The following MARCHF1 variants were observed in gnomAD, a reference collection of about 807,000 sequenced individuals.
The protein encoded by MARCHF1 is E3 ubiquitin-protein ligase MARCHF1.
In MARCHF1, 40 loss-of-function variants were observed where a neutral mutation model predicts 54.2. That is an observed-to-expected ratio of 0.74 (90% CI 0.57 to 0.96). The LOEUF (loss-of-function observed/expected upper bound fraction) is 0.96. Ranked by LOEUF, MARCHF1 falls within the 40% of genes least tolerant of loss-of-function variation. The pLI, the probability that MARCHF1 is intolerant of heterozygous loss-of-function variation, is 0.00. For missense variants in MARCHF1, 586 were observed against 656.5 expected (o/e 0.89, Z 1.17); for synonymous variants, 236 against 236.3 (o/e 1.00, Z 0.01).
Position 164,211,352 on chromosome 4 carries a change from TATACC to T in MARCHF1, c.-322-99695_-322-99691del, listed in dbSNP as rs200948238. 6.6e-3 allele frequency among the ~76,000 whole-genome samples: 760 copies of T among 114,378 alleles called. 6 individuals are homozygous for T. Among genetic ancestry groups the T allele is most frequent in the Non-Finnish European group, 0.012 (544 of 46,496 alleles). 75.0% of individuals were successfully genotyped at this position (114,378 alleles called of 152,430 possible). A position where few individuals can be genotyped will look rare whatever the true frequency, so the allele number is the denominator to read the frequency against. On this transcript the variant is annotated intron_variant, in intron 1 of 9. Coordinates refer to ENST00000514618, the MANE Select transcript of MARCHF1 (RefSeq NM_001394959.1). The stretch of plus-strand genomic sequence containing the variant: ...GTATGTATATATATATATATATATA[TATACC>T]ACATTGCAACCTGCATATTTGTATA...
chr4:163,533,943 G>T (rs1738445971), intron 9 of MARCHF1, among the ~76,000 whole-genome samples: 1 of 151,812 alleles, frequency 6.6e-6, no homozygotes, highest in Non-Finnish European at 1.5e-5. Context: ...AAATGCTCAT[G>T]ATCTATACCT....
intron 4 of MARCHF1, among the ~76,000 whole-genome samples, chr4:163,824,384 T>C (rs976000742): frequency 2.0e-5 from 3 of 150,200 alleles, no homozygotes; most frequent in African/African-American, 7.3e-5. Context: ...AAACAAGCAA[T>C]GGGGAAAGGA....
intron 1 of MARCHF1, among the ~76,000 whole-genome samples, chr4:164,285,357 C>T (rs1734116640): frequency 6.6e-6 from 1 of 152,180 alleles, no homozygotes; most frequent in East Asian, 1.9e-4. Context: ...ATTCTGCCTG[C>T]AAATAGCCAC....
At chr4:164,105,534 A>C (rs1266983091) in intron 2 of MARCHF1, among the ~76,000 whole-genome samples, 1 of 109,580 alleles carries the variant, frequency 9.1e-6, no homozygotes, top group African/African-American at 3.6e-5. Context: ...CTATTTAATA[A>C]ATGGTGCTGG....
intron 3 of MARCHF1, among the ~76,000 whole-genome samples, chr4:163,889,001 G>T (rs772050217): frequency 1.5e-4 from 23 of 152,102 alleles, no homozygotes; most frequent in Non-Finnish European, 2.9e-4. Flanking sequence ...GATTATTATT[G>T]CATGGTAGGT....
At chr4:163,588,362 G>A (rs919121147) in intron 7 of MARCHF1, among the ~76,000 whole-genome samples, 2 of 152,174 alleles carry the variant, frequency 1.3e-5, no homozygotes, top group African/African-American at 4.8e-5. Flanking sequence ...CATGCTTGTT[G>A]CCAGTTTAGT....
intron 3 of MARCHF1, among the ~76,000 whole-genome samples, chr4:163,970,543 C>A (rs1752527653): frequency 6.6e-6 from 1 of 152,046 alleles, no homozygotes; most frequent in Admixed American, 6.6e-5. Context: ...TTTGAGAAAA[C>A]AGTAATGTTA....
At chr4:163,930,352 AG>A (rs1751643331) in intron 3 of MARCHF1, among the ~76,000 whole-genome samples, 1 of 152,000 alleles carries the variant, frequency 6.6e-6, no homozygotes, top group African/African-American at 2.4e-5. Flanking sequence ...CTGATACCTC[AG>A]AAATTGAACA....
intron 1 of MARCHF1, among the ~76,000 whole-genome samples, chr4:164,249,956 C>T (rs1251440028): frequency 1.3e-5 from 2 of 152,026 alleles, no homozygotes; most frequent in Admixed American, 6.6e-5. Context: ...TGAGCAACTC[C>T]ATATACATTT....
intron 2 of MARCHF1, among the ~76,000 whole-genome samples, chr4:164,106,521 A>T (rs1444315035): frequency 1.5e-5 from 2 of 134,574 alleles, no homozygotes; most frequent in Non-Finnish European, 3.1e-5. Flanking sequence ...CAAGAACAAA[A>T]AACCAAACAC....
chr4:163,767,549 TGGTCTCGATCTCCTGACC>T (rs1161748119), intron 4 of MARCHF1, among the ~76,000 whole-genome samples: 1 of 152,126 alleles, frequency 6.6e-6, no homozygotes, highest in Non-Finnish European at 1.5e-5. Flanking sequence ...TTAGCCAGGA[TGGTCTCGATCTCCTGACC>T]TCATGATCCG....
chr4:164,035,633 C>CAAAA (rs34846855), intron 2 of MARCHF1, among the ~76,000 whole-genome samples: 221 of 144,302 alleles, frequency 1.5e-3, no homozygotes, highest in Non-Finnish European at 2.5e-3. Flanking sequence ...ATAAAGAATA[C>CAAAA]AAAAAAAAAA....
At position 163,557,866 on chromosome 4, in the gene MARCHF1, C is replaced by A. The variant is rs79505443; in HGVS notation, c.1192-12123G>T. ...GATAGAAATTAAATGTTAAACCAAT[C>A]TAATATTATTCCAGTAATTTGTTCT... is the stretch of plus-strand genomic sequence containing the variant. On this transcript the variant is annotated intron_variant, in intron 8 of 9. Transcript: ENST00000514618. Among the ~76,000 whole-genome samples, 1,417 of 152,244 alleles carry A rather than the reference C, an allele frequency of 9.3e-3. 11 individuals carry two copies. Among genetic ancestry groups the A allele is most frequent in the Non-Finnish European group, 0.015 (1,016 of 68,028 alleles).
chr4:163,587,800 T>C (rs7695479), intron 7 of MARCHF1, among the ~76,000 whole-genome samples: 4,130 of 150,414 alleles, frequency 0.027, 258 homozygotes, highest in African/African-American at 0.097. Flanking sequence ...AAATGTGCAA[T>C]GTAACATTTA....
rs539868861 is a variant in MARCHF1 at position 163,580,798 on chromosome 4, G to GTT, written c.1191+4949_1191+4950dup. Among the ~76,000 whole-genome samples the GTT allele has an allele frequency of 3.4e-3, 354 of 105,298 alleles. 34 individuals carry two copies. The highest frequency in any genetic ancestry group is 0.016 in the Middle Eastern group (3 of 188). The allele number at this position is 105,298 out of a possible 152,430, so 69.1% of individuals were successfully genotyped here. A position where few individuals can be genotyped will look rare whatever the true frequency, so the allele number is the denominator to read the frequency against. ...AGGAATGATTTAAGTAAGTATTAAA[G>GTT]TTTTTTTTTTTTTTTGAGACGGAGT... On this transcript the variant is annotated intron_variant, in intron 8 of 9. Transcript: ENST00000514618.
chr4:164,040,646 A>G (rs1231576467), intron 2 of MARCHF1, among the ~76,000 whole-genome samples: 1 of 151,838 alleles, frequency 6.6e-6, no homozygotes, highest in African/African-American at 2.4e-5. Flanking sequence ...TTTAAACGTA[A>G]GCAAAGCTTT....
At chr4:163,759,483 A>C (rs1438488099) in intron 4 of MARCHF1, among the ~76,000 whole-genome samples, 1 of 152,158 alleles carries the variant, frequency 6.6e-6, no homozygotes, top group Non-Finnish European at 1.5e-5. Context: ...AGGGCTTCTC[A>C]TTTTGCTGAA....
At chr4:163,699,828 C>T (rs931263924) in intron 5 of MARCHF1, among the ~76,000 whole-genome samples, 5 of 151,878 alleles carry the variant, frequency 3.3e-5, no homozygotes, top group East Asian at 2.0e-4. Flanking sequence ...TATCACATGG[C>T]GACTCATTTT....
chr4:164,201,940 A>G (rs1005931125), intron 1 of MARCHF1, among the ~76,000 whole-genome samples: 1 of 152,258 alleles, frequency 6.6e-6, no homozygotes, highest in Admixed American at 6.5e-5. Flanking sequence ...TCCTTCAATG[A>G]AATAGATACT....
Sources: gnomAD v4.1 joint callset for allele counts (sites outside exome capture counted in the v4.1 genomes callset) on GRCh38, gnomAD v4.1.1 for gene constraint, MANE v1.5 for transcripts, NCBI Gene and HGNC (gene_info 2026-07-23, HGNC 2026-07-21) for gene names.